The following CDC42 variants were observed in gnomAD, a reference collection of about 807,000 sequenced individuals.
CDC42 encodes cell division cycle 42.
Under a neutral mutation model 20.8 loss-of-function variants are expected in CDC42, and 1 was observed. The ratio of observed to expected loss-of-function variants is 0.05; its 90% confidence interval spans 0.02 to 0.23. The LOEUF (loss-of-function observed/expected upper bound fraction) is 0.23. Among genes scored for constraint, CDC42 ranks in the 10% least tolerant of loss-of-function variants. The pLI, the probability that CDC42 is intolerant of heterozygous loss-of-function variation, is 1.00. For synonymous variants in CDC42, 72 were observed against 84.8 expected (o/e 0.85, Z 0.83); for missense variants, 49 against 227.9 (o/e 0.21, Z 5.05).
chr1:22,069,549 C>T (rs1645461069), intron 1 of CDC42, among the ~76,000 whole-genome samples: 1 of 151,556 alleles, frequency 6.6e-6, no homozygotes, highest in African/African-American at 2.4e-5. Flanking sequence ...CCTTGACCTT[C>T]CTGGCTCAGG....
In CDC42 at chr1:22,095,793, A is replaced by G. The variant is rs1570057055; in HGVS notation, c.*4276A>G. Among the ~76,000 whole-genome samples the G allele has an allele frequency of 2.0e-5, 3 of 152,126 alleles. No individual in the cohort carries two copies. The highest frequency in any genetic ancestry group is 2.9e-5 in the Non-Finnish European group (2 of 68,018). ...CTTTGTGTTTGTCATTCTGGAGCCT[A>G]GTTCCAGAGAGCAGTGGCTGCTTGA... On this transcript the variant is annotated 3_prime_UTR_variant, in exon 6 of 6. Coordinates refer to ENST00000656825, the MANE Select transcript of CDC42 (RefSeq NM_001791.4).
intron 5 of CDC42, 43 bp from the exon 6 acceptor site, chr1:22,091,385 C>G: frequency 7.9e-7 from 1 of 1,272,788 alleles, no homozygotes; most frequent in South Asian, 1.2e-5. Flanking sequence ...CTTTATTATA[C>G]TGAAAATCAG....
In CDC42 at chr1:22,099,513, A is replaced by T. The variant is rs979836269; in HGVS notation, c.*7996A>T. On this transcript the variant is annotated 3_prime_UTR_variant, in exon 6 of 6. Coordinates refer to ENST00000656825, the MANE Select transcript of CDC42 (RefSeq NM_001791.4). ...CTGTGTGCTTACCATTACATATCTT[A>T]TGTGGAAATAAAATGTATATGATTA... Among the ~76,000 whole-genome samples, 4 of 152,210 alleles carry T rather than the reference A, an allele frequency of 2.6e-5. No individual in the cohort carries two copies. The highest frequency in any genetic ancestry group is 4.4e-5 in the Non-Finnish European group (3 of 68,040).
chr1:22,078,986 A>G, intron 2 of CDC42: 1 of 508,840 alleles, frequency 2.0e-6, no homozygotes, highest in Non-Finnish European at 3.0e-6. Flanking sequence ...AGAAAGTAGT[A>G]TGTGTCTCCA....
At chr1:22,064,651 T>C (rs1369830916) in intron 1 of CDC42, among the ~76,000 whole-genome samples, 1 of 151,660 alleles carries the variant, frequency 6.6e-6, no homozygotes, top group Non-Finnish European at 1.5e-5. Context: ...TGATGGAGTT[T>C]AGAACACAGC....
chr1:22,057,362 C>G (rs1048954198), intron 1 of CDC42, among the ~76,000 whole-genome samples: 40 of 152,204 alleles, frequency 2.6e-4, no homozygotes, highest in African/African-American at 8.0e-4. Flanking sequence ...TTCTCCCGGA[C>G]TAATCTGATG....
In CDC42 at chr1:22,092,279, ATTTG is replaced by A. The variant is rs1364866960; in HGVS notation, c.*767_*770del. The A allele has an allele frequency of 1.3e-5, 2 of 152,470 alleles. No individual in the cohort carries two copies. Among genetic ancestry groups the A allele is most frequent in the African/African-American group, 4.8e-5 (2 of 41,398 alleles). 9.4% of individuals were successfully genotyped at this position (152,470 alleles called of 1,614,324 possible). A position where few individuals can be genotyped will look rare whatever the true frequency, so the allele number is the denominator to read the frequency against. ...ATATGTGACTGTGACTTTCAAGGAC[ATTTG>A]TTTGCCATTTGCTGATTTTTTTGGG... On this transcript the variant is annotated 3_prime_UTR_variant, in exon 6 of 6. Coordinates refer to ENST00000656825, the MANE Select transcript of CDC42 (RefSeq NM_001791.4).
Position 22,078,571 on chromosome 1 carries a change from A to G in CDC42, c.93A>G (p.Glu31=). ...ACACAACAAACAAATTTCCATCGGA[A>G]TATGTACCGACTGTAAGTATAAAGG... ...ISYTTNKFPS[E]YVPTVFDNYA... is the part of the protein sequence containing the mutation. The change falls in exon 2 of 6, where the codon GAA becomes GAG. Residue 31 remains glutamate (E), a synonymous_variant. Coordinates refer to ENST00000656825, the MANE Select transcript of CDC42 (RefSeq NM_001791.4). 6.2e-7 allele frequency: 1 copy of G among 1,611,276 alleles called. No individual in the cohort carries two copies. Among genetic ancestry groups the G allele is most frequent in the Non-Finnish European group, 8.5e-7 (1 of 1,177,994 alleles).
At chr1:22,082,420 A>T (rs907706293) in intron 3 of CDC42, among the ~76,000 whole-genome samples, 10 of 152,224 alleles carry the variant, frequency 6.6e-5, no homozygotes, top group African/African-American at 2.4e-4. Flanking sequence ...CCAAATTGTA[A>T]GAACAAATTA....
rs754567616 is a variant in CDC42 at position 22,091,546 on chromosome 1, C to T, written c.*29C>T. On this transcript the variant is annotated 3_prime_UTR_variant, in exon 6 of 6. Coordinates refer to ENST00000656825, the MANE Select transcript of CDC42 (RefSeq NM_001791.4). ...TCTCTCCAGAGCCCTTTCTGCACAG[C>T]TGGTGTCGGCATCATACTAAAAGCA... is the stretch of plus-strand genomic sequence containing the variant. 1.4e-6 allele frequency: 2 copies of T among 1,412,384 alleles called. No homozygotes were observed. Among genetic ancestry groups the T allele is most frequent in the African/African-American group, 1.4e-5 (1 of 69,710 alleles). The allele number at this position is 1,412,384 out of a possible 1,614,324, so 87.5% of individuals were successfully genotyped here.
intron 1 of CDC42, among the ~76,000 whole-genome samples, chr1:22,057,565 G>A (rs531067370): frequency 1.3e-5 from 2 of 148,956 alleles, no homozygotes; most frequent in Non-Finnish European, 3.0e-5. Context: ...TGTATTTTTC[G>A]TAGAGATGGG....
chr1:22,081,613 G>A lies in CDC42; in HGVS notation c.106-109G>A, dbSNP rs2501282. 0.94 allele frequency: 642,510 copies of A among 685,394 alleles called. 301,457 individuals are homozygous for A. Among genetic ancestry groups the A allele is most frequent in the East Asian group, 1 (39,486 of 39,494 alleles). 42.5% of individuals were successfully genotyped at this position (685,394 alleles called of 1,614,324 possible). A position where few individuals can be genotyped will look rare whatever the true frequency, so the allele number is the denominator to read the frequency against. On this transcript the variant is annotated intron_variant, in intron 2 of 5. Coordinates refer to ENST00000656825, the MANE Select transcript of CDC42 (RefSeq NM_001791.4). ...TTATATAAGGATGATGGATGGACTAGGGGACGATTAAGTCTTAGCAAGGAA... is the reference window on the plus strand; with the variant it reads ...TTATATAAGGATGATGGATGGACTAAGGGACGATTAAGTCTTAGCAAGGAA...
At chr1:22,081,971 T>C (rs918852532) in intron 3 of CDC42, among the ~76,000 whole-genome samples, 177 bp downstream of exon 3, 1 of 151,844 alleles carries the variant, frequency 6.6e-6, no homozygotes, top group Non-Finnish European at 1.5e-5. Context: ...CAGACCTGGG[T>C]CGGCAAATAG....
intron 1 of CDC42, chr1:22,053,199 G>A (rs1259141280): frequency 6.9e-6 from 1 of 144,274 alleles, no homozygotes; most frequent in African/African-American, 2.5e-5. Context: ...TGCGTTCCGT[G>A]CCCTGCGCTC....
At chr1:22,071,046 C>CTTTTTTTTTT (rs10684040) in intron 1 of CDC42, among the ~76,000 whole-genome samples, 2 of 125,310 alleles carry the variant, frequency 1.6e-5, no homozygotes, top group Non-Finnish European at 3.2e-5. Context: ...TTTTTTCTTT[C>CTTTTTTTTTT]TTTTTTTTTT....
At chr1:22,069,268 T>A (rs932972659) in intron 1 of CDC42, among the ~76,000 whole-genome samples, 2 of 146,056 alleles carry the variant, frequency 1.4e-5, no homozygotes, top group African/African-American at 5.2e-5. Context: ...CTCTGCCTCC[T>A]GGGTTCAAGC....
At position 22,092,244 on chromosome 1, in the gene CDC42, A is replaced by G. The variant is rs1447620180; in HGVS notation, c.*727A>G. ...GCCCATCTTGCCCCTCCTCTTTTCT[A>G]GGACGCACTATATGTGACTGTGACT... is the stretch of plus-strand genomic sequence containing the variant. On this transcript the variant is annotated 3_prime_UTR_variant, in exon 6 of 6. Coordinates refer to ENST00000656825, the MANE Select transcript of CDC42 (RefSeq NM_001791.4). 1.3e-5 allele frequency: 2 copies of G among 152,540 alleles called. No individual in the cohort carries two copies. Among genetic ancestry groups the G allele is most frequent in the Non-Finnish European group, 2.9e-5 (2 of 68,012 alleles). The allele number at this position is 152,540 out of a possible 1,614,324, so 9.4% of individuals were successfully genotyped here.
rs1553197240 is a variant in CDC42 at position 22,100,029 on chromosome 1, C to CT, written c.*8527dup. ...TTTTTTCTTTCTTCTTCTTCTTCTTCTTTTTTTTTTTTTTTGTATAATAGG... is the reference window on the plus strand; with the variant it reads ...TTTTTTCTTTCTTCTTCTTCTTCTTCTTTTTTTTTTTTTTTTGTATAATAGG... On this transcript the variant is annotated 3_prime_UTR_variant, in exon 6 of 6. Coordinates refer to ENST00000656825, the MANE Select transcript of CDC42 (RefSeq NM_001791.4). 3.7e-3 allele frequency among the ~76,000 whole-genome samples: 61 copies of CT among 16,700 alleles called. 1 individual carries two copies. The highest frequency in any genetic ancestry group is 0.03 in the South Asian group (16 of 542). 11.0% of individuals were successfully genotyped at this position (16,700 alleles called of 152,430 possible). A position where few individuals can be genotyped will look rare whatever the true frequency, so the allele number is the denominator to read the frequency against.
rs1032552593 is a variant in CDC42 at position 22,095,520 on chromosome 1, T to G, written c.*4003T>G. The stretch of plus-strand genomic sequence containing the variant: ...TCCTGACCTCGTGATCCGCCCGCCT[T>G]GGCCTCCCAAAGTGCTAGGATTACA... On this transcript the variant is annotated 3_prime_UTR_variant, in exon 6 of 6. Coordinates refer to ENST00000656825, the MANE Select transcript of CDC42 (RefSeq NM_001791.4). Among the ~76,000 whole-genome samples the G allele has an allele frequency of 6.6e-6, 1 of 152,020 alleles. No individual in the cohort carries two copies. Among genetic ancestry groups the G allele is most frequent in the Non-Finnish European group, 1.5e-5 (1 of 67,986 alleles).
Sources: gnomAD v4.1 joint callset for allele counts (sites outside exome capture counted in the v4.1 genomes callset) on GRCh38, gnomAD v4.1.1 for gene constraint, MANE v1.5 for transcripts, NCBI Gene and HGNC (gene_info 2026-07-23, HGNC 2026-07-21) for gene names.